The following EBI3 variants were observed in gnomAD, a reference collection of about 807,000 sequenced individuals.
EBI3 encodes Epstein-Barr virus induced 3.
In EBI3, 19 loss-of-function variants were observed where a neutral mutation model predicts 21.3. The observed-to-expected ratio is 0.89, with a 90% CI of 0.62 to 1.31. The LOEUF (loss-of-function observed/expected upper bound fraction) is 1.31, where lower values mean the gene tolerates loss of function less well. Ranked by LOEUF, EBI3 falls within the 50% of genes most tolerant of loss-of-function variation. EBI3 has a pLI of 0.00. For missense variants in EBI3, 331 were observed against 314.0 expected, an observed-to-expected ratio of 1.05 and a Z score of -0.41; for synonymous variants, 154 against 131.2, an observed-to-expected ratio of 1.17 and a Z score of -1.19.
chr19:4,232,263 AAAGAAAAG>A (rs1970792046), intron 2 of EBI3, among the ~76,000 whole-genome samples: 3 of 148,880 alleles, frequency 2.0e-5, no homozygotes, highest in Admixed American at 6.8e-5. Flanking sequence ...AAAGAAAAGA[AAAGAAAAG>A]AAAAAATTTC....
At chr19:4,233,749 A>G (rs1052013523) in intron 3 of EBI3, among the ~76,000 whole-genome samples, 3 of 152,150 alleles carry the variant, frequency 2.0e-5, no homozygotes, top group East Asian at 1.9e-4. Flanking sequence ...TTGATGTTCA[A>G]CATGCCAGGA....
At chr19:4,232,244 AAGAAAAGAAAAG>A (rs1568355331) in intron 2 of EBI3, among the ~76,000 whole-genome samples, 3 of 84,580 alleles carry the variant, frequency 3.5e-5, no homozygotes, top group African/African-American at 1.7e-4. Flanking sequence ...AAAAAAAAAA[AAGAAAAGAAAAG>A]AAAAGAAAAG....
At position 4,233,063 on chromosome 19, in the gene EBI3, C is replaced by T. The variant is rs140025744; in HGVS notation, c.201-66C>T. The T allele has an allele frequency of 1.6e-4, 234 of 1,422,390 alleles. 1 individual carries two copies. Among genetic ancestry groups the T allele is most frequent in the African/African-American group, 1.5e-4 (10 of 68,696 alleles). 88.1% of individuals were successfully genotyped at this position (1,422,390 alleles called of 1,614,324 possible). A position where few individuals can be genotyped will look rare whatever the true frequency, so the allele number is the denominator to read the frequency against. ...TCTCCTTGGGGTCCCGGGTCAGGCCCGGCAGTAGGAGGTGCTGAGGCCACA... is the reference window on the plus strand; with the variant it reads ...TCTCCTTGGGGTCCCGGGTCAGGCCTGGCAGTAGGAGGTGCTGAGGCCACA... On this transcript the variant is annotated intron_variant, in intron 2 of 4. Coordinates refer to ENST00000221847, the MANE Select transcript of EBI3 (RefSeq NM_005755.3).
At chr19:4,236,100 A>C (rs1174181599) in intron 4 of EBI3, among the ~76,000 whole-genome samples, 1 of 152,184 alleles carries the variant, frequency 6.6e-6, no homozygotes, top group African/African-American at 2.4e-5. Flanking sequence ...TCATGCCTGT[A>C]ATCCCAGCAC....
rs781051755 is a variant in EBI3, at chr19:4,231,189, AGGGCCC to A, written c.68-1_72del. ...AAGCTCACTCTTTCTGTCTTCCTCC[AGGGCCC>A]CCAGCAGCTCTGACACTGCCCCGGG... On this transcript the variant is annotated splice_acceptor_variant and coding_sequence_variant, in exon 2 of 5. Coordinates refer to ENST00000221847, the MANE Select transcript of EBI3 (RefSeq NM_005755.3). LOFTEE classifies it high-confidence loss of function. 1.3e-6 allele frequency: 2 copies of A among 1,576,758 alleles called. No homozygotes were observed. The highest frequency in any genetic ancestry group is 1.7e-6 in the Non-Finnish European group (2 of 1,164,006).
chr19:4,231,789 C>A (rs1397215525), intron 2 of EBI3, among the ~76,000 whole-genome samples: 5 of 120,540 alleles, frequency 4.1e-5, no homozygotes, highest in African/African-American at 1.3e-4. Flanking sequence ...AAAAAAAAAA[C>A]TACTTCCTGG....
At chr19:4,230,073 G>A (rs547970477) in intron 1 of EBI3, among the ~76,000 whole-genome samples, 33 of 152,154 alleles carry the variant, frequency 2.2e-4, no homozygotes, top group Non-Finnish European at 2.2e-4. Flanking sequence ...ACAGGTGCCC[G>A]CCACCATGCC....
chr19:4,232,546 C>CA (rs1487907501), intron 2 of EBI3, among the ~76,000 whole-genome samples: 1 of 150,418 alleles, frequency 6.6e-6, no homozygotes, highest in Non-Finnish European at 1.5e-5. Flanking sequence ...ACTGAGACCC[C>CA]CCCCCATCTG....
At chr19:4,233,728 C>T (rs1425145859) in intron 3 of EBI3, among the ~76,000 whole-genome samples, 5 of 152,228 alleles carry the variant, frequency 3.3e-5, no homozygotes, top group Admixed American at 3.3e-4. Flanking sequence ...GCTGTGGCCA[C>T]ATGTGATTCC....
rs752044587 is a variant in EBI3 at position 4,229,634 on chromosome 19, G to C, written c.67+17G>C. ...GAAGGAAAGGTATGTGGGGCCCCTGGGGGACTGGGGGGCCCAGGCAGACGG... is the reference window on the plus strand; with the variant it reads ...GAAGGAAAGGTATGTGGGGCCCCTGCGGGACTGGGGGGCCCAGGCAGACGG... On this transcript the variant is annotated intron_variant, in intron 1 of 4. Transcript: ENST00000221847. 1.3e-6 allele frequency: 2 copies of C among 1,596,484 alleles called. No homozygotes were observed. Among genetic ancestry groups the C allele is most frequent in the Non-Finnish European group, 1.7e-6 (2 of 1,172,078 alleles).
intron 4 of EBI3, 111 bp downstream of exon 4, chr19:4,234,935 G>A: frequency 1.4e-6 from 2 of 1,478,118 alleles, no homozygotes; most frequent in Non-Finnish European, 1.8e-6. Context: ...GATTCCGGGT[G>A]CATTGAATAA....
chr19:4,232,841 G>GATGA (rs978538347), intron 2 of EBI3, among the ~76,000 whole-genome samples: 1 of 143,326 alleles, frequency 7.0e-6, no homozygotes, highest in East Asian at 1.9e-4. Flanking sequence ...TGAATGGATG[G>GATGA]ATGAATGAAT....
chr19:4,232,545 C>G lies in EBI3; in HGVS notation c.201-584C>G, dbSNP rs574217141. On this transcript the variant is annotated intron_variant, in intron 2 of 4. Transcript: ENST00000221847. ...CCAGCCTGGGCAACATACTGAGACC[C>G]CCCCCCATCTGTAGAAAAAAAATTT... 1.5e-3 allele frequency among the ~76,000 whole-genome samples: 224 copies of G among 150,660 alleles called. 4 individuals carry two copies. Among genetic ancestry groups the G allele is most frequent in the Admixed American group, 0.011 (165 of 15,076 alleles).
At chr19:4,231,137 G>T in intron 1 of EBI3, 54 bp from the exon 2 acceptor site, 1 of 1,516,132 alleles carries the variant, frequency 6.6e-7, no homozygotes, top group Middle Eastern at 2.0e-4. Flanking sequence ...CGCACGGGAG[G>T]GCTATGACAA....
At chr19:4,236,467 G>C (rs1970837757) in intron 4 of EBI3, among the ~76,000 whole-genome samples, 1 of 124,020 alleles carries the variant, frequency 8.1e-6, no homozygotes, top group African/African-American at 3.1e-5. Flanking sequence ...GTTGCAGTAA[G>C]CCAAGATTGC....
chr19:4,234,590 G>A, intron 3 of EBI3, 77 bp from the exon 4 acceptor site: 7 of 1,548,350 alleles, frequency 4.5e-6, no homozygotes, highest in Non-Finnish European at 6.1e-6. Flanking sequence ...TACATAATAT[G>A]TTGGTTGAAT....
intron 2 of EBI3, among the ~76,000 whole-genome samples, chr19:4,232,852 G>A (rs543736722): frequency 6.6e-6 from 1 of 152,286 alleles, no homozygotes; most frequent in African/African-American, 2.4e-5. Flanking sequence ...ATGAATGAAT[G>A]AATGCTGACA....
chr19:4,230,555 G>A (rs1163945934), intron 1 of EBI3, among the ~76,000 whole-genome samples: 1 of 151,822 alleles, frequency 6.6e-6, no homozygotes, highest in Non-Finnish European at 1.5e-5. Flanking sequence ...CTAGGTGACA[G>A]AGTGGGATAC....
chr19:4,234,455 C>T (rs568812926), intron 3 of EBI3, among the ~76,000 whole-genome samples: 4 of 152,026 alleles, frequency 2.6e-5, no homozygotes, highest in Non-Finnish European at 4.4e-5. Context: ...CACAACTACT[C>T]GGGAGGCTGA....
Sources: allele counts gnomAD v4.1 joint callset (sites outside exome capture counted in the v4.1 genomes callset), GRCh38; gene constraint gnomAD v4.1.1; transcripts MANE v1.5; gene names NCBI Gene and HGNC (gene_info 2026-07-23, HGNC 2026-07-21).